Variants in ATP10A observed in about 807,000 individuals in gnomAD.
ATP10A encodes the protein ATPase phospholipid transporting 10A (putative), also known as phospholipid-transporting ATPase VA.
ATP10A carries 111 observed loss-of-function variants against 147.8 expected under a neutral mutation model. The observed-to-expected ratio is 0.75, with a 90% CI of 0.64 to 0.88. The LOEUF (loss-of-function observed/expected upper bound fraction) is 0.88, where lower values mean the gene tolerates loss of function less well. ATP10A is among the 40% of genes least tolerant of loss of function. The pLI is 0.00. For missense variants in ATP10A, 1,927 were observed against 1,959.0 expected (o/e 0.98, Z 0.31); for synonymous variants, 875 against 841.6 (o/e 1.04, Z -0.69).
intron 5 of ATP10A, among the ~76,000 whole-genome samples, chr15:25,724,262 A>G (rs1164376832): frequency 6.6e-6 from 1 of 152,172 alleles, no homozygotes; most frequent in African/African-American, 2.4e-5. Context: ...GTTGGTGCTA[A>G]GTGGCACCAC....
At chr15:25,835,206 G>C (rs145881565) in intron 1 of ATP10A, among the ~76,000 whole-genome samples, 103 of 152,254 alleles carry the variant, frequency 6.8e-4, no homozygotes, top group African/African-American at 2.4e-3. Context: ...AGGGGTTCCA[G>C]GTTCCAATAA....
intron 2 of ATP10A, among the ~76,000 whole-genome samples, chr15:25,750,383 T>C (rs1888081101): frequency 6.6e-6 from 1 of 152,020 alleles, no homozygotes; most frequent in Non-Finnish European, 1.5e-5. Flanking sequence ...AAAATAAAGA[T>C]GTTTGCACAT....
At chr15:25,779,097 G>A (rs549121661) in intron 2 of ATP10A, among the ~76,000 whole-genome samples, 1 of 151,978 alleles carries the variant, frequency 6.6e-6, no homozygotes, top group Non-Finnish European at 1.5e-5. Flanking sequence ...GGATGGTCTC[G>A]AATTACTGAC....
rs1284628166 is a variant in ATP10A at position 25,694,711 on chromosome 15, A to C, written c.3088+108T>G. The C allele has an allele frequency of 2.4e-5, 25 of 1,036,542 alleles. 1 individual carries two copies. The East Asian group carries it at 6.2e-4, about 26-fold the overall frequency. 64.2% of individuals were successfully genotyped at this position (1,036,542 alleles called of 1,614,324 possible). ...TCACACTGGGTGTGATTTTACACAC[A>C]GAAAGAAAGGTGAGGAAGTGTTTTC... On this transcript the variant is annotated intron_variant, in intron 14 of 20. Coordinates refer to ENST00000555815, the MANE Select transcript of ATP10A (RefSeq NM_024490.4).
At chr15:25,855,541 A>AACACACACACACACACAC (rs59597825) in intron 1 of ATP10A, among the ~76,000 whole-genome samples, 56 of 146,108 alleles carry the variant, frequency 3.8e-4, no homozygotes, top group African/African-American at 9.6e-4. Flanking sequence ...TATTGGTTAA[A>AACACACACACACACACAC]ACACACACAC....
At chr15:25,858,805 C>G (rs1051329357) in intron 1 of ATP10A, among the ~76,000 whole-genome samples, 10 of 152,088 alleles carry the variant, frequency 6.6e-5, no homozygotes, top group African/African-American at 2.4e-4. Flanking sequence ...AGAAATACTG[C>G]TGGTTACATC....
At chr15:25,761,417 A>C (rs1888751529) in intron 2 of ATP10A, among the ~76,000 whole-genome samples, 1 of 152,270 alleles carries the variant, frequency 6.6e-6, no homozygotes, top group African/African-American at 2.4e-5. Flanking sequence ...AGCTGTGAGA[A>C]GAGGGCCACC....
In ATP10A at chr15:25,679,868, A is replaced by C. The variant is rs1174140825; in HGVS notation, c.3973T>G (p.Phe1325Val). The change falls in exon 21 of 21, where the codon TTT (phenylalanine) becomes GTT (valine). Residue 1325 changes from phenylalanine to valine, a missense_variant. Phe to Val is a conservative substitution (Grantham distance 50). Transcript: ENST00000555815. ...TCCTTCGGGAGGCGTCCCTGAGCAA[A>C]GGTCTCTTTGGGAGCACTGCATCTC... ...PRRCSAPKET[F>V]AQGRLPKDSG... The C allele has an allele frequency of 6.2e-7, 1 of 1,610,236 alleles. No individual in the cohort carries two copies. The highest frequency in any genetic ancestry group is 1.3e-5 in the African/African-American group (1 of 74,898).
chr15:25,847,530 G>T (rs563759694), intron 1 of ATP10A, among the ~76,000 whole-genome samples: 1 of 149,752 alleles, frequency 6.7e-6, no homozygotes, highest in African/African-American at 2.5e-5. Context: ...TGATCTTTGC[G>T]GGTCACGGGG....
intron 2 of ATP10A, among the ~76,000 whole-genome samples, chr15:25,777,418 C>T (rs74003889): frequency 0.16 from 23,952 of 151,878 alleles, 1,975 homozygotes; most frequent in Non-Finnish European, 0.18. Context: ...ATAGCCTCCC[C>T]GGTCCCCAAG....
At chr15:25,840,133 G>A (rs958065516) in intron 1 of ATP10A, among the ~76,000 whole-genome samples, 73 of 151,924 alleles carry the variant, frequency 4.8e-4, no homozygotes, top group African/African-American at 1.7e-3. Flanking sequence ...TTCTATAAAT[G>A]GGATCACGCA....
chr15:25,719,176 A>G (rs1902049336), intron 7 of ATP10A, among the ~76,000 whole-genome samples: 1 of 152,218 alleles, frequency 6.6e-6, no homozygotes, highest in Non-Finnish European at 1.5e-5. Context: ...CCGTTTAATC[A>G]GAACTTCAAG....
intron 1 of ATP10A, among the ~76,000 whole-genome samples, chr15:25,801,404 T>C (rs1358835612): frequency 6.6e-6 from 1 of 152,288 alleles, no homozygotes; most frequent in South Asian, 2.1e-4. Flanking sequence ...AGCATCCCCA[T>C]CTGCAATGTG....
chr15:25,710,639 G>C (rs1901351733), intron 10 of ATP10A: 1 of 152,140 alleles, frequency 6.6e-6, no homozygotes, highest in Non-Finnish European at 1.5e-5. Flanking sequence ...CCCCAATAAG[G>C]AGTTATCTTA....
intron 2 of ATP10A, among the ~76,000 whole-genome samples, chr15:25,774,782 T>C (rs1383619950): frequency 6.6e-6 from 1 of 152,180 alleles, no homozygotes; most frequent in Non-Finnish European, 1.5e-5. Context: ...ATAATCATAT[T>C]ACCTACAGAA....
chr15:25,720,642 G>C (rs1902156902), intron 7 of ATP10A, among the ~76,000 whole-genome samples: 2 of 150,432 alleles, frequency 1.3e-5, no homozygotes, highest in Non-Finnish European at 3.0e-5. Flanking sequence ...GAGGCTGGTG[G>C]GAGGGAGGAT....
rs140749100 is a variant in ATP10A, at chr15:25,788,467, G to T, written c.450-7244C>A. ...TCTGCTCCCGTCCCACCCGCTTCAC[G>T]CTCTTCTGGCTGTCACCAGACTGTC... On this transcript the variant is annotated intron_variant, in intron 1 of 20. Transcript: ENST00000555815. 8.5e-5 allele frequency among the ~76,000 whole-genome samples: 13 copies of T among 152,308 alleles called. No individual in the cohort carries two copies. The East Asian group carries it at 2.5e-3, about 29-fold the overall frequency.
At chr15:25,724,061 GA>G in intron 5 of ATP10A, 40 bp from the exon 6 acceptor site, 1 of 1,456,048 alleles carries the variant, frequency 6.9e-7, no homozygotes, top group South Asian at 1.5e-5. Flanking sequence ...TCATCCAATG[GA>G]AAAATAAGAA....
intron 10 of ATP10A, among the ~76,000 whole-genome samples, chr15:25,712,718 C>T (rs1344961713): frequency 2.0e-5 from 3 of 152,152 alleles, no homozygotes; most frequent in East Asian, 1.9e-4. Context: ...GGGAAGATCT[C>T]GCCCCGCGGT....
Sources: allele counts gnomAD v4.1 joint callset (sites outside exome capture counted in the v4.1 genomes callset), GRCh38; gene constraint gnomAD v4.1.1; transcripts MANE v1.5; gene names NCBI Gene and HGNC (gene_info 2026-07-23, HGNC 2026-07-21).